Variants in MARK2 observed in about 807,000 individuals in gnomAD.
MARK2 encodes the protein microtubule affinity regulating kinase 2.
Under a neutral mutation model 89.8 loss-of-function variants are expected in MARK2, and 16 were observed. The ratio of observed to expected loss-of-function variants is 0.18; its 90% confidence interval spans 0.12 to 0.27. The LOEUF is 0.27. Among genes scored for constraint, MARK2 ranks in the 10% least tolerant of loss-of-function variants. The pLI is 1.00. For synonymous variants in MARK2, 382 were observed against 399.5 expected (o/e 0.96, Z 0.52); for missense variants, 621 against 1,049.9 (o/e 0.59, Z 5.65).
chr11:63,868,870 G>A (rs1014324627), intron 1 of MARK2: 10 of 455,856 alleles, frequency 2.2e-5, no homozygotes, highest in African/African-American at 1.4e-4. Flanking sequence ...AGCATGGCAC[G>A]GGAAGAACTG....
At position 63,909,366 on chromosome 11, in the gene MARK2, C is replaced by G. The variant is rs1157778729; in HGVS notation, c.*129C>G. 2.0e-6 allele frequency: 2 copies of G among 982,118 alleles called. No homozygotes were observed. The highest frequency in any genetic ancestry group is 3.4e-5 in the African/African-American group (2 of 59,472). 60.8% of individuals were successfully genotyped at this position (982,118 alleles called of 1,614,324 possible). ...TCCCCTGCTGGCACTTCTCCCCTCC[C>G]TGGCCCTTCTCAGTTTTCTCTTACA... On this transcript the variant is annotated 3_prime_UTR_variant, in exon 19 of 19. Coordinates refer to ENST00000402010, the MANE Select transcript of MARK2 (RefSeq NM_001039469.3).
At chr11:63,861,092 T>TA (rs1937742713) in intron 1 of MARK2, among the ~76,000 whole-genome samples, 1 of 152,178 alleles carries the variant, frequency 6.6e-6, no homozygotes. Context: ...GAATTGAACT[T>TA]AATGTGCTAT....
Position 63,895,202 on chromosome 11 carries a change from A to G in MARK2, c.98A>G (p.Asn33Ser). Residue 33 changes from asparagine to serine, a missense_variant, in exon 2 of 19, where the codon AAC (asparagine) becomes AGC (serine). Asn to Ser is a conservative substitution (Grantham distance 46, BLOSUM62 1). This residue lies in a region of MARK2 where 60 missense variants were observed against 73.2 expected (regional missense o/e 0.82). Coordinates refer to ENST00000402010, the MANE Select transcript of MARK2 (RefSeq NM_001039469.3). ...GACTCCAAGCCCAGCAGTAAGTCCAACATGATTCGGGGCCGCAACTCAGCC... is the reference window on the plus strand; with the variant it reads ...GACTCCAAGCCCAGCAGTAAGTCCAGCATGATTCGGGGCCGCAACTCAGCC... ...HLDSKPSSKS[N>S]MIRGRNSATS... 6.2e-7 allele frequency: 1 copy of G among 1,614,126 alleles called. No homozygotes were observed. Among genetic ancestry groups the G allele is most frequent in the Non-Finnish European group, 8.5e-7 (1 of 1,180,004 alleles).
At chr11:63,884,424 T>TG (rs1240461968) in intron 1 of MARK2, among the ~76,000 whole-genome samples, 2 of 152,234 alleles carry the variant, frequency 1.3e-5, no homozygotes, top group Non-Finnish European at 2.9e-5. Context: ...GCTTGAGTCC[T>TG]GGGGGAGCCC....
At chr11:63,840,690 C>G (rs565182648) in intron 1 of MARK2, among the ~76,000 whole-genome samples, 3 of 152,194 alleles carry the variant, frequency 2.0e-5, no homozygotes, top group African/African-American at 7.2e-5. Flanking sequence ...CCTTTCATCT[C>G]CGCATTAGTC....
At chr11:63,888,675 G>A (rs1939565241) in intron 1 of MARK2, 1 of 1,181,868 alleles carries the variant, frequency 8.5e-7, no homozygotes, top group Non-Finnish European at 1.1e-6. Flanking sequence ...TGTCCCTGTT[G>A]CTCTCCTTGC....
intron 1 of MARK2, among the ~76,000 whole-genome samples, chr11:63,886,140 AAAAG>A (rs1939385083): frequency 1.3e-5 from 2 of 151,988 alleles, no homozygotes; most frequent in South Asian, 2.1e-4. Flanking sequence ...AAAAAAAAAA[AAAAG>A]AGACGAGAGT....
intron 3 of MARK2, among the ~76,000 whole-genome samples, chr11:63,897,667 G>A (rs1162638862): frequency 6.6e-6 from 1 of 152,208 alleles, no homozygotes; most frequent in Non-Finnish European, 1.5e-5. Context: ...GAGAGCGTGA[G>A]TGTGTGGAGG....
intron 1 of MARK2, among the ~76,000 whole-genome samples, chr11:63,843,771 G>A (rs930077190): frequency 1.3e-5 from 2 of 152,012 alleles, no homozygotes; most frequent in East Asian, 1.9e-4. Context: ...GACTACAGGC[G>A]CCCACCACCA....
intron 1 of MARK2, among the ~76,000 whole-genome samples, chr11:63,869,994 C>T (rs1938356688): frequency 6.6e-6 from 1 of 152,148 alleles, no homozygotes; most frequent in Admixed American, 6.5e-5. Context: ...AATGACTTGC[C>T]CAAGGTGACA....
At chr11:63,853,575 G>A (rs1222229417) in intron 1 of MARK2, among the ~76,000 whole-genome samples, 3 of 152,188 alleles carry the variant, frequency 2.0e-5, no homozygotes, top group Non-Finnish European at 2.9e-5. Flanking sequence ...GATACAAATG[G>A]TGATAAATAT....
In MARK2 at chr11:63,903,902, C is replaced by T. The variant is rs1941103413; in HGVS notation, c.1515-84C>T. ...CTGCCAGAGCTCCCCAGCTCTGGCC[C>T]TTCCCCTGCCCTTGCTTCCTAATCC... is the stretch of plus-strand genomic sequence containing the variant. On this transcript the variant is annotated intron_variant, in intron 14 of 18. Transcript: ENST00000402010. The surrounding 1 kb of genome is among the most constrained non-coding windows in gnomAD (Gnocchi z 5.1). 8.0e-7 allele frequency: 1 copy of T among 1,244,678 alleles called. No homozygotes were observed. The highest frequency in any genetic ancestry group is 2.4e-5 in the Admixed American group (1 of 41,596). 77.1% of individuals were successfully genotyped at this position (1,244,678 alleles called of 1,614,324 possible). A position where few individuals can be genotyped will look rare whatever the true frequency, so the allele number is the denominator to read the frequency against.
intron 1 of MARK2, among the ~76,000 whole-genome samples, chr11:63,852,866 G>A (rs531180157): frequency 3.6e-4 from 55 of 152,236 alleles, no homozygotes; most frequent in African/African-American, 1.2e-3. Context: ...TATTTTATGC[G>A]TACGTACTAT....
At chr11:63,890,477 A>G (rs899552877) in intron 1 of MARK2, among the ~76,000 whole-genome samples, 3 of 152,210 alleles carry the variant, frequency 2.0e-5, no homozygotes, top group Non-Finnish European at 2.9e-5. Context: ...GCGTGGGACC[A>G]GCCCTTCACA....
intron 3 of MARK2, among the ~76,000 whole-genome samples, chr11:63,897,909 C>T (rs1365473919): frequency 1.3e-5 from 2 of 152,132 alleles, no homozygotes; most frequent in East Asian, 2.0e-4. Context: ...TATTCACGCA[C>T]ACGGGCTCAC....
rs757867779 is a variant in MARK2, at chr11:63,903,177, G to C, written c.1514+19G>C. On this transcript the variant is annotated intron_variant, in intron 14 of 18. Transcript: ENST00000402010. This position sits in a 1 kb window ranked among gnomAD's most constrained non-coding sequence, Gnocchi z 5.1. ...AAGACAGGTGAGAGACCCGGGCCCTGCCTGCCTCACTCCCTAGGAGCCATG... is the reference window on the plus strand; with the variant it reads ...AAGACAGGTGAGAGACCCGGGCCCTCCCTGCCTCACTCCCTAGGAGCCATG... 1 of 1,584,080 alleles carries C rather than the reference G, an allele frequency of 6.3e-7. No individual in the cohort carries two copies. The highest frequency in any genetic ancestry group is 1.7e-5 in the Admixed American group (1 of 59,988).
chr11:63,868,331 T>C (rs1429077660), intron 1 of MARK2: 1 of 152,606 alleles, frequency 6.6e-6, no homozygotes, highest in Non-Finnish European at 1.5e-5. Flanking sequence ...CTCAAAAAAA[T>C]AAAAAAAAAT....
chr11:63,860,217 C>T (rs1168609883), intron 1 of MARK2, among the ~76,000 whole-genome samples: 1 of 152,120 alleles, frequency 6.6e-6, no homozygotes, highest in East Asian at 1.9e-4. Flanking sequence ...AGACCTTGGG[C>T]CTCCTCTAAT....
Position 63,895,169 on chromosome 11 carries a change from G to T in MARK2, c.65G>T (p.Gly22Val), listed in dbSNP as rs1050929076. The change falls in exon 2 of 19, where the codon GGA becomes GTA. Residue 22 changes from glycine to valine, a missense_variant. Around this residue, in one of 5 missense-constraint regions of MARK2, gnomAD observed 60 missense variants for 73.2 expected, o/e 0.82. Transcript: ENST00000402010. ...NERDTEQPTL[G>V]HLDSKPSSKS... ...GTTTCCACCCCGCAGCCCACCTTGG[G>T]ACACCTTGACTCCAAGCCCAGCAGT... 16 of 1,612,686 alleles carry T rather than the reference G, an allele frequency of 9.9e-6. No individual in the cohort carries two copies. Among genetic ancestry groups the T allele is most frequent in the Non-Finnish European group, 1.4e-5 (16 of 1,179,120 alleles).
Sources: allele counts gnomAD v4.1 joint callset (sites outside exome capture counted in the v4.1 genomes callset), GRCh38; gene constraint gnomAD v4.1.1; regional missense constraint gnomAD v4.1.1; non-coding constraint Gnocchi (gnomAD v3.1); transcripts MANE v1.5; gene names NCBI Gene and HGNC (gene_info 2026-07-23, HGNC 2026-07-21).